The following PHTF1 variants were observed in gnomAD, a reference collection of about 807,000 sequenced individuals.
PHTF1 encodes protein PHTF1.
PHTF1 carries 88 observed loss-of-function variants against 102.4 expected under a neutral mutation model. That is an observed-to-expected ratio of 0.86 (90% confidence interval 0.72 to 1.03). PHTF1 has a LOEUF of 1.03. PHTF1 is among the 50% of genes least tolerant of loss of function. The pLI is 0.00. For missense variants in PHTF1, 814 were observed against 909.5 expected, an observed-to-expected ratio of 0.89 and a Z score of 1.35; for synonymous variants, 289 against 305.2, an observed-to-expected ratio of 0.95 and a Z score of 0.55.
chr1:113,723,306 C>T (rs7553188), intron 7 of PHTF1, among the ~76,000 whole-genome samples: 113,360 of 151,784 alleles, frequency 0.75, 42,938 homozygotes, highest in African/African-American at 0.83. Flanking sequence ...ACCTCCCGAG[C>T]AGCTGGGATT....
chr1:113,759,255 T>C lies in PHTF1; in HGVS notation c.-263A>G. On this transcript the variant is annotated 5_prime_UTR_variant, in exon 1 of 19. Coordinates refer to ENST00000369604, the MANE Select transcript of PHTF1 (RefSeq NM_001323043.2). ...AATCGATCGCCGGTCAGAGGCCGCC[T>C]ACAGGGTCACGGACTGACCAGAAAA... is the stretch of plus-strand genomic sequence containing the variant. 5.8e-6 allele frequency: 1 copy of C among 173,746 alleles called. No homozygotes were observed. Among genetic ancestry groups the C allele is most frequent in the Non-Finnish European group, 1.1e-5 (1 of 87,394 alleles). 10.8% of individuals were successfully genotyped at this position (173,746 alleles called of 1,614,324 possible).
chr1:113,736,391 G>A (rs1387670304), intron 5 of PHTF1, among the ~76,000 whole-genome samples: 1 of 149,822 alleles, frequency 6.7e-6, no homozygotes, highest in African/African-American at 2.5e-5. Flanking sequence ...CTTTATGAAA[G>A]TTACAACCCA....
chr1:113,728,424 G>C (rs912655583), intron 5 of PHTF1, among the ~76,000 whole-genome samples: 4 of 152,158 alleles, frequency 2.6e-5, no homozygotes, highest in African/African-American at 9.7e-5. Flanking sequence ...CGTTAAAATG[G>C]CTTTTATCCA....
chr1:113,753,709 C>T (rs1297924709), intron 3 of PHTF1, among the ~76,000 whole-genome samples: 2 of 151,746 alleles, frequency 1.3e-5, no homozygotes, highest in Non-Finnish European at 2.9e-5. Flanking sequence ...CAGGCATCAG[C>T]CACCGTGCCC....
In PHTF1 at chr1:113,704,087, A is replaced by G; in HGVS notation, c.1884T>C (p.Cys628=). 1 of 1,607,850 alleles carries G rather than the reference A, an allele frequency of 6.2e-7. No homozygotes were observed. The highest frequency in any genetic ancestry group is 1.7e-5 in the Admixed American group (1 of 59,988). ...LLTLSIAFIC[C]AQVLQGHKTF... The stretch of plus-strand genomic sequence containing the variant: ...GCAGATGTGAAACTTTTACCTGAGC[A>G]CAACAAATGAAAGCAATCGAAAGTG... The change falls in exon 15 of 19, where the codon TGT becomes TGC. Residue 628 remains cysteine (C), a synonymous_variant. Transcript: ENST00000369604.
intron 12 of PHTF1, 110 bp downstream of exon 12, chr1:113,706,484 G>A (rs1236834264): frequency 2.8e-6 from 2 of 708,380 alleles, no homozygotes; most frequent in South Asian, 6.5e-5. Flanking sequence ...TGATATATAT[G>A]TGCTTCAAAA....
At chr1:113,733,769 G>C (rs978570261) in intron 5 of PHTF1, among the ~76,000 whole-genome samples, 2 of 152,236 alleles carry the variant, frequency 1.3e-5, no homozygotes, top group East Asian at 3.9e-4. Context: ...TGATATTTTT[G>C]TTGTATCAGC....
chr1:113,704,594 G>A lies in PHTF1; in HGVS notation c.1803+72C>T, dbSNP rs1278687412. 4 of 1,115,248 alleles carry A rather than the reference G, an allele frequency of 3.6e-6. No individual in the cohort carries two copies. The African/African-American group carries it at 6.3e-5, about 17-fold the overall frequency. The allele number at this position is 1,115,248 out of a possible 1,614,324, so 69.1% of individuals were successfully genotyped here. A position where few individuals can be genotyped will look rare whatever the true frequency, so the allele number is the denominator to read the frequency against. ...GACACCCAGAACTACACTGTCTACTGAGTAACTGCTGCCAGGAGCTTCAGT... is the reference window on the plus strand; with the variant it reads ...GACACCCAGAACTACACTGTCTACTAAGTAACTGCTGCCAGGAGCTTCAGT... On this transcript the variant is annotated intron_variant, in intron 14 of 18. Coordinates refer to ENST00000369604, the MANE Select transcript of PHTF1 (RefSeq NM_001323043.2).
At position 113,726,436 on chromosome 1, in the gene PHTF1, T is replaced by C; in HGVS notation, c.470A>G (p.Asn157Ser). Residue 157 changes from asparagine (N) to serine (S), a missense_variant, in exon 6 of 19, where the codon AAT (asparagine) becomes AGT (serine). By Grantham distance (46) the Asn-to-Ser change is conservative. Coordinates refer to ENST00000369604, the MANE Select transcript of PHTF1 (RefSeq NM_001323043.2). ...STQITRPSGN[N>S]GNRRRRKLRK... ...ATCTTACCTTCTTCTTCGATTTCCA[T>C]TGTTTCCTGATGGTCTTGTTATCTG... 6.2e-7 allele frequency: 1 copy of C among 1,607,978 alleles called. No individual in the cohort carries two copies. Among genetic ancestry groups the C allele is most frequent in the Non-Finnish European group, 8.5e-7 (1 of 1,177,502 alleles).
At chr1:113,710,640 T>C (rs543395300) in intron 10 of PHTF1, among the ~76,000 whole-genome samples, 165 bp from the exon 11 acceptor site, 1 of 152,084 alleles carries the variant, frequency 6.6e-6, no homozygotes, top group South Asian at 2.1e-4. Flanking sequence ...TAATGCTTTT[T>C]TATTTTTTGA....
At chr1:113,719,163 G>T (rs1004324786) in intron 7 of PHTF1, among the ~76,000 whole-genome samples, 1 of 152,020 alleles carries the variant, frequency 6.6e-6, no homozygotes, top group African/African-American at 2.4e-5. Context: ...ATCATGCCTG[G>T]TTAATTTTTG....
intron 5 of PHTF1, among the ~76,000 whole-genome samples, chr1:113,733,060 A>ATTTTTTTTTTTTTTT (rs386368123): frequency 1.2e-5 from 1 of 84,164 alleles, no homozygotes; most frequent in Non-Finnish European, 2.1e-5. Context: ...CGCCTGGCTA[A>ATTTTTTTTTTTTTTT]TTTTTTTTTT....
chr1:113,745,988 T>C (rs1388201498), intron 3 of PHTF1, among the ~76,000 whole-genome samples: 1 of 152,192 alleles, frequency 6.6e-6, no homozygotes. Flanking sequence ...AACTGGTCTC[T>C]GGTGCCAAAA....
chr1:113,713,531 G>A, intron 7 of PHTF1, 93 bp from the exon 8 acceptor site: 1 of 691,602 alleles, frequency 1.4e-6, no homozygotes, highest in East Asian at 2.8e-5. Context: ...ATATTATTCT[G>A]GAAATCAAGA....
intron 8 of PHTF1, 96 bp from the exon 9 acceptor site, chr1:113,712,209 C>T: frequency 2.1e-6 from 2 of 968,904 alleles, no homozygotes; most frequent in Admixed American, 2.6e-5. Flanking sequence ...CAAAAACTAC[C>T]AAGCAGCAAA....
At position 113,758,757 on chromosome 1, in the gene PHTF1, G is replaced by A. The variant is rs924454660; in HGVS notation, c.-30-24C>T. 212 of 1,591,730 alleles carry A rather than the reference G, an allele frequency of 1.3e-4. No individual in the cohort carries two copies. In the South Asian group the frequency reaches 2.2e-3, roughly 17 times the overall value. On this transcript the variant is annotated intron_variant, in intron 1 of 18. Transcript: ENST00000369604. ...CACTGAAAATGAAGGAAAACCAATCGGTGAGTCCAGCTGCTGAAGGTTACT... is the reference window on the plus strand; with the variant it reads ...CACTGAAAATGAAGGAAAACCAATCAGTGAGTCCAGCTGCTGAAGGTTACT...
At chr1:113,738,081 T>C (rs371017530) in intron 5 of PHTF1, 29 bp downstream of exon 5, 1 of 1,507,480 alleles carries the variant, frequency 6.6e-7, no homozygotes, top group South Asian at 1.2e-5. Context: ...AAAGAAACTG[T>C]CATTGCTTAT....
chr1:113,699,856 A>C (rs1649250446), intron 16 of PHTF1, 57 bp from the exon 17 acceptor site: 2 of 744,908 alleles, frequency 2.7e-6, no homozygotes, highest in Non-Finnish European at 4.4e-6. Flanking sequence ...TATATACTGC[A>C]TAAAATCTGG....
At chr1:113,756,780 A>T (rs1221998991) in intron 3 of PHTF1, among the ~76,000 whole-genome samples, 5 of 152,236 alleles carry the variant, frequency 3.3e-5, no homozygotes, top group Non-Finnish European at 7.3e-5. Context: ...TCTGAATTAT[A>T]TAACAGTTTT....
Sources: allele counts gnomAD v4.1 joint callset (sites outside exome capture counted in the v4.1 genomes callset), GRCh38; gene constraint gnomAD v4.1.1; transcripts MANE v1.5; gene names NCBI Gene and HGNC (gene_info 2026-07-23, HGNC 2026-07-21).